ADAMTSL3: variants seen among roughly 807,000 people sequenced by gnomAD.
The protein encoded by ADAMTSL3 is ADAMTS like 3.
A neutral mutation model predicts 201.7 loss-of-function variants in ADAMTSL3; 128 were observed. That is an observed-to-expected ratio of 0.63 (90% CI 0.55 to 0.73). The LOEUF (loss-of-function observed/expected upper bound fraction) is 0.73. ADAMTSL3 is among the 30% of genes least tolerant of loss of function. The pLI, the probability that ADAMTSL3 is intolerant of heterozygous loss-of-function variation, is 0.00. For synonymous variants in ADAMTSL3, 738 were observed against 748.4 expected, an observed-to-expected ratio of 0.99 and a Z score of 0.23; for missense variants, 1,990 against 2,119.6, an observed-to-expected ratio of 0.94 and a Z score of 1.20.
chr15:83,849,621 T>G (rs1235535645), intron 7 of ADAMTSL3, among the ~76,000 whole-genome samples: 1 of 152,134 alleles, frequency 6.6e-6, no homozygotes, highest in Non-Finnish European at 1.5e-5. Context: ...AATTGCTTCC[T>G]CTCTTTATCA....
intron 4 of ADAMTSL3, among the ~76,000 whole-genome samples, chr15:83,779,314 C>A (rs1404458003): frequency 6.6e-6 from 1 of 152,160 alleles, no homozygotes; most frequent in Admixed American, 6.5e-5. Context: ...AATATACATT[C>A]TTCTCATCAC....
chr15:83,752,951 T>C (rs1291985128), intron 3 of ADAMTSL3, among the ~76,000 whole-genome samples: 1 of 152,220 alleles, frequency 6.6e-6, no homozygotes, highest in Non-Finnish European at 1.5e-5. Flanking sequence ...ATGCCCTGAC[T>C]TCACAGGCTG....
At chr15:83,789,583 T>G (rs1292327593) in intron 4 of ADAMTSL3, among the ~76,000 whole-genome samples, 2 of 152,136 alleles carry the variant, frequency 1.3e-5, no homozygotes, top group Non-Finnish European at 2.9e-5. Context: ...ATGATGTCTT[T>G]AGGTGTTCTA....
chr15:83,971,488 C>T (rs951441639), intron 20 of ADAMTSL3, among the ~76,000 whole-genome samples: 2 of 136,054 alleles, frequency 1.5e-5, no homozygotes, highest in African/African-American at 5.7e-5. Context: ...ACCTGGGAGG[C>T]GGAGGTTGCA....
intron 2 of ADAMTSL3, among the ~76,000 whole-genome samples, chr15:83,695,504 G>T (rs2061676306): frequency 6.6e-6 from 1 of 152,042 alleles, no homozygotes; most frequent in Non-Finnish European, 1.5e-5. Context: ...GGGAGGAGAA[G>T]GGCCCGGGGC....
At chr15:83,988,280 CA>C (rs2067518255) in intron 21 of ADAMTSL3, among the ~76,000 whole-genome samples, 1 of 152,194 alleles carries the variant, frequency 6.6e-6, no homozygotes, top group East Asian at 1.9e-4. Flanking sequence ...CATGAAAATC[CA>C]AACAGAAAAT....
At chr15:83,900,038 A>G (rs1286189809) in intron 15 of ADAMTSL3, among the ~76,000 whole-genome samples, 1 of 152,196 alleles carries the variant, frequency 6.6e-6, no homozygotes, top group African/African-American at 2.4e-5. Context: ...TTGACCATGA[A>G]CCATCATAGT....
chr15:83,738,464 A>G (rs1377424949), intron 3 of ADAMTSL3, among the ~76,000 whole-genome samples: 3 of 152,200 alleles, frequency 2.0e-5, no homozygotes, highest in Admixed American at 1.3e-4. Flanking sequence ...TTCTGTGAAG[A>G]TTTGTCAAGG....
intron 4 of ADAMTSL3, among the ~76,000 whole-genome samples, chr15:83,786,724 T>A (rs570553365): frequency 2.6e-5 from 4 of 152,364 alleles, no homozygotes; most frequent in African/African-American, 7.2e-5. Context: ...GTGTGATATC[T>A]GGCTAATTCT....
intron 9 of ADAMTSL3, among the ~76,000 whole-genome samples, chr15:83,874,190 GAA>G (rs59522721): frequency 0.25 from 36,093 of 144,004 alleles, 8,154 homozygotes; most frequent in Non-Finnish European, 0.32. Flanking sequence ...AGCGAGCCAT[GAA>G]ATTCATGATG....
chr15:83,879,825 C>T (rs539060444), intron 9 of ADAMTSL3, among the ~76,000 whole-genome samples: 7 of 152,248 alleles, frequency 4.6e-5, no homozygotes, highest in African/African-American at 1.2e-4. Flanking sequence ...AAAACTACCC[C>T]GTGACTGTGC....
At chr15:83,907,202 T>C (rs907707672) in intron 15 of ADAMTSL3, among the ~76,000 whole-genome samples, 3 of 152,204 alleles carry the variant, frequency 2.0e-5, no homozygotes, top group African/African-American at 7.2e-5. Context: ...TTTAAATGTT[T>C]CCTTGTTTCT....
intron 3 of ADAMTSL3, among the ~76,000 whole-genome samples, chr15:83,712,192 A>G (rs1253310186): frequency 6.6e-6 from 1 of 151,460 alleles, no homozygotes; most frequent in Non-Finnish European, 1.5e-5. Flanking sequence ...CCTCTCCACC[A>G]TCTCCTCTCT....
At chr15:83,665,935 CTA>C (rs1244833030) in intron 2 of ADAMTSL3, among the ~76,000 whole-genome samples, 1 of 152,038 alleles carries the variant, frequency 6.6e-6, no homozygotes, top group East Asian at 1.9e-4. Context: ...TTAAAGGACT[CTA>C]AATTCTCTTT....
At chr15:83,712,088 A>T (rs1019666) in intron 3 of ADAMTSL3, among the ~76,000 whole-genome samples, 3 of 151,974 alleles carry the variant, frequency 2.0e-5, no homozygotes, top group African/African-American at 7.3e-5. Context: ...CCCTACTCAC[A>T]TATCCTCACA....
At chr15:83,899,484 A>G (rs2065682119) in intron 14 of ADAMTSL3, among the ~76,000 whole-genome samples, 163 bp from the exon 15 acceptor site, 1 of 152,202 alleles carries the variant, frequency 6.6e-6, no homozygotes, top group South Asian at 2.1e-4. Context: ...GAAGTGTTTA[A>G]TTCATTCCAG....
chr15:83,709,157 A>T (rs192851938), intron 3 of ADAMTSL3, among the ~76,000 whole-genome samples: 1 of 152,254 alleles, frequency 6.6e-6, no homozygotes, highest in Non-Finnish European at 1.5e-5. Context: ...TCCTTCAGGA[A>T]TTTGGAATTA....
chr15:83,969,009 G>T (rs929581953), intron 19 of ADAMTSL3, among the ~76,000 whole-genome samples: 1 of 152,110 alleles, frequency 6.6e-6, no homozygotes, highest in Non-Finnish European at 1.5e-5. Flanking sequence ...GTCAGGGGGT[G>T]GGGGGCTAGG....
intron 3 of ADAMTSL3, among the ~76,000 whole-genome samples, chr15:83,763,506 CTTTT>C (rs1294346370): frequency 1.5e-5 from 2 of 131,954 alleles, no homozygotes. Flanking sequence ...ACAAATAATT[CTTTT>C]TTTTTTTTTT....
Sources: gnomAD v4.1 joint callset for allele counts (sites outside exome capture counted in the v4.1 genomes callset) on GRCh38, gnomAD v4.1.1 for gene constraint, MANE v1.5 for transcripts, NCBI Gene and HGNC (gene_info 2026-07-23, HGNC 2026-07-21) for gene names.